Variants in SH3BP5L observed in about 807,000 individuals in gnomAD.
SH3BP5L encodes SH3 domain-binding protein 5-like.
A neutral mutation model predicts 40.9 loss-of-function variants in SH3BP5L; 16 were observed. That is an observed-to-expected ratio of 0.39 (90% CI 0.27 to 0.59). The LOEUF (loss-of-function observed/expected upper bound fraction) is 0.59. SH3BP5L is among the 20% of genes least tolerant of loss of function. The probability of loss-of-function intolerance (pLI) is 0.53; values close to 1 mark genes in which losing one functional copy is unlikely to be tolerated. For synonymous variants in SH3BP5L, 229 were observed against 226.7 expected (o/e 1.01, Z -0.09); for missense variants, 471 against 544.6 (o/e 0.86, Z 1.35).
intron 2 of SH3BP5L, chr1:248,820,681 T>C (rs1664236047): frequency 2.6e-5 from 4 of 152,156 alleles, no homozygotes; most frequent in African/African-American, 4.8e-5. Context: ...AGAAGTGCTG[T>C]AATCTAGGAA....
rs1178079159 is a variant in SH3BP5L at position 248,811,934 on chromosome 1, C to G, written c.1148G>C (p.Arg383Pro). 2 of 1,551,056 alleles carry G rather than the reference C, an allele frequency of 1.3e-6. No individual in the cohort carries two copies. The highest frequency in any genetic ancestry group is 2.0e-5 in the Admixed American group (1 of 51,022). ...GACGCTGCGCTGGTGCCGACCCCCA[C>G]GGGCTCCGCCGTCGCTGCCCCGGCG... is the stretch of plus-strand genomic sequence containing the variant. ...GGRRGSDGGA[R>P]GGRHQRSVSL The change falls in exon 7 of 7, where the codon CGT (arginine) becomes CCT (proline). Residue 383 changes from arginine (R) to proline (P), a missense_variant. Coordinates refer to ENST00000366472, the MANE Select transcript of SH3BP5L (RefSeq NM_030645.3).
chr1:248,818,273 G>A (rs908644404), intron 2 of SH3BP5L, among the ~76,000 whole-genome samples: 4 of 148,918 alleles, frequency 2.7e-5, no homozygotes, highest in Admixed American at 6.6e-5. Flanking sequence ...GCTTGAACCC[G>A]GGGGGCAGGG....
At chr1:248,814,123 G>A in intron 5 of SH3BP5L, 1 of 305,036 alleles carries the variant, frequency 3.3e-6, no homozygotes, top group Non-Finnish European at 6.2e-6. Flanking sequence ...GAAAACAGAA[G>A]CGAGGAGTCA....
chr1:248,818,851 G>A (rs746338078), intron 2 of SH3BP5L, among the ~76,000 whole-genome samples: 22 of 152,242 alleles, frequency 1.4e-4, no homozygotes, highest in Non-Finnish European at 2.5e-4. Context: ...TATAGGATTT[G>A]CCTTCACCAG....
rs1361449627 is a variant in SH3BP5L at position 248,812,876 on chromosome 1, C to T, written c.711+113G>A. 3.1e-6 allele frequency: 3 copies of T among 955,060 alleles called. No homozygotes were observed. The highest frequency in any genetic ancestry group is 5.3e-5 in the East Asian group (2 of 37,498). 59.2% of individuals were successfully genotyped at this position (955,060 alleles called of 1,614,324 possible). A position where few individuals can be genotyped will look rare whatever the true frequency, so the allele number is the denominator to read the frequency against. ...GCCACCACCCTTCCCCACCGCTAGCCGGAGGCCTCACCCTGGCCACCTCAC... is the reference window on the plus strand; with the variant it reads ...GCCACCACCCTTCCCCACCGCTAGCTGGAGGCCTCACCCTGGCCACCTCAC... On this transcript the variant is annotated intron_variant, in intron 6 of 6. Transcript: ENST00000366472. The surrounding 1 kb of genome is among the most constrained non-coding windows in gnomAD (Gnocchi z 6.1).
intron 2 of SH3BP5L, among the ~76,000 whole-genome samples, chr1:248,817,336 C>T (rs1471760260): frequency 6.6e-6 from 1 of 152,240 alleles, no homozygotes; most frequent in Non-Finnish European, 1.5e-5. Context: ...GCACACTTAT[C>T]ACCTCTCAGG....
At position 248,825,242 on chromosome 1, in the gene SH3BP5L, G is replaced by A; in HGVS notation, c.-307C>T. ...GGGGGCAAAGGGGGCTTGGATCCTG[G>A]ACCGAGGCCTGCTAGGAGGAGCACC... On this transcript the variant is annotated 5_prime_UTR_variant, in exon 2 of 7. Transcript: ENST00000366472. The A allele has an allele frequency of 2.4e-5, 27 of 1,112,536 alleles. No individual in the cohort carries two copies. Among genetic ancestry groups the A allele is most frequent in the Non-Finnish European group, 2.9e-5 (26 of 909,382 alleles). 68.9% of individuals were successfully genotyped at this position (1,112,536 alleles called of 1,614,324 possible).
In SH3BP5L at chr1:248,825,342, C is replaced by G; in HGVS notation, c.-407G>C. 1 of 1,004,424 alleles carries G rather than the reference C, an allele frequency of 1.0e-6. No homozygotes were observed. The highest frequency in any genetic ancestry group is 1.7e-5 in the African/African-American group (1 of 57,784). The allele number at this position is 1,004,424 out of a possible 1,614,324, so 62.2% of individuals were successfully genotyped here. A position where few individuals can be genotyped will look rare whatever the true frequency, so the allele number is the denominator to read the frequency against. ...AGAGAAGGCTGGGCCCGAGCTGAGG[C>G]TGTAGGATGAGCGTCTCTGGGGAGC... On this transcript the variant is annotated 5_prime_UTR_variant, in exon 2 of 7. Transcript: ENST00000366472.
Position 248,825,877 on chromosome 1 carries a change from AAT to A in SH3BP5L, c.-476_-475del. On this transcript the variant is annotated 5_prime_UTR_variant, in exon 1 of 7. Coordinates refer to ENST00000366472, the MANE Select transcript of SH3BP5L (RefSeq NM_030645.3). ...TCCGCGGAGCTTCTATGCTGCAAAC[AAT>A]CTCCCCCCCTCCCTCCCCGCAACAA... The A allele has an allele frequency of 2.1e-6, 2 of 954,372 alleles. No homozygotes were observed. The highest frequency in any genetic ancestry group is 2.4e-6 in the Non-Finnish European group (2 of 817,290). The allele number at this position is 954,372 out of a possible 1,614,324, so 59.1% of individuals were successfully genotyped here.
Position 248,812,031 on chromosome 1 carries a change from C to A in SH3BP5L, c.1051G>T (p.Val351Leu). The change falls in exon 7 of 7, where the codon GTG (valine) becomes TTG (leucine). Residue 351 changes from valine (V) to leucine (L), a missense_variant. Physicochemically the swap from Val to Leu is conservative, Grantham distance 32 (BLOSUM62 1). This residue lies in a region of SH3BP5L where 196 missense variants were observed against 174.6 expected (regional missense o/e 1.12). Transcript: ENST00000366472. This position sits in a 1 kb window ranked among gnomAD's most constrained non-coding sequence, Gnocchi z 6.1. ...VASDLQKCDS[V>L]EHLRGLSDHV... ...TCCGAGAGGCCTCGCAAGTGCTCCA[C>A]GGAGTCGCACTTCTGCAGGTCTGAA... is the stretch of plus-strand genomic sequence containing the variant. 1.2e-6 allele frequency: 2 copies of A among 1,612,598 alleles called. No homozygotes were observed. Among genetic ancestry groups the A allele is most frequent in the Non-Finnish European group, 1.7e-6 (2 of 1,179,586 alleles).
chr1:248,822,664 CTT>C (rs201440745), intron 2 of SH3BP5L, among the ~76,000 whole-genome samples: 6 of 144,574 alleles, frequency 4.2e-5, no homozygotes, highest in Admixed American at 6.9e-5. Flanking sequence ...TGAGGAACTG[CTT>C]TTTTTTTTTT....
rs1663929290 is a variant in SH3BP5L, at chr1:248,811,674, C to G, written c.*226G>C. On this transcript the variant is annotated 3_prime_UTR_variant, in exon 7 of 7. Transcript: ENST00000366472. ...GGCAGACAGAGCGCCGAGGGCGAGC[C>G]TTCTGAATGGGTAAGGCAAAGAGAG... is the stretch of plus-strand genomic sequence containing the variant. 1 of 470,358 alleles carries G rather than the reference C, an allele frequency of 2.1e-6. No individual in the cohort carries two copies. The highest frequency in any genetic ancestry group is 3.8e-6 in the Non-Finnish European group (1 of 266,312). The allele number at this position is 470,358 out of a possible 1,614,324, so 29.1% of individuals were successfully genotyped here.
rs915141521 is a variant in SH3BP5L, at chr1:248,825,856, C to T, written c.-453G>A. The T allele has an allele frequency of 2.0e-6, 2 of 982,292 alleles. No homozygotes were observed. Among genetic ancestry groups the T allele is most frequent in the South Asian group, 4.8e-5 (1 of 21,038 alleles). The allele number at this position is 982,292 out of a possible 1,614,324, so 60.8% of individuals were successfully genotyped here. A position where few individuals can be genotyped will look rare whatever the true frequency, so the allele number is the denominator to read the frequency against. On this transcript the variant is annotated 5_prime_UTR_variant, in exon 1 of 7. Transcript: ENST00000366472. ...TTACCTCAGTTTACCTTCCCGTCCG[C>T]GGAGCTTCTATGCTGCAAACAATCT...
chr1:248,818,573 G>C (rs550229368), intron 2 of SH3BP5L, among the ~76,000 whole-genome samples: 1 of 152,358 alleles, frequency 6.6e-6, no homozygotes, highest in South Asian at 2.1e-4. Context: ...TCCTGTGGGA[G>C]GGAGGGAGAG....
chr1:248,813,197 A>T (rs1208001922), intron 5 of SH3BP5L, 35 bp from the exon 6 acceptor site: 1 of 1,476,538 alleles, frequency 6.8e-7, no homozygotes, highest in Non-Finnish European at 9.0e-7. Flanking sequence ...GCCAGGACCC[A>T]TGCTTCAGTC....
chr1:248,824,896 G>C lies in SH3BP5L; in HGVS notation c.40C>G (p.Pro14Ala), dbSNP rs758436296. ...LRQVPGGRET[P>A]QGELRPEVVE... ...ACTTCAGGCCGCAGCTCCCCCTGTG[G>C]GGTCTCCCGCCCTCCTGGAACCTGT... The change falls in exon 2 of 7, where the codon CCA (proline) becomes GCA (alanine). Residue 14 changes from proline (P) to alanine (A), a missense_variant. Pro to Ala is a conservative substitution (Grantham distance 27, BLOSUM62 -1). This residue lies in a region of SH3BP5L where 275 missense variants were observed against 370.1 expected (regional missense o/e 0.74). Coordinates refer to ENST00000366472, the MANE Select transcript of SH3BP5L (RefSeq NM_030645.3). 1.9e-6 allele frequency: 3 copies of C among 1,613,856 alleles called. No homozygotes were observed. In the African/African-American group the frequency reaches 4.0e-5, roughly 22 times the overall value.
chr1:248,816,763 G>C (rs1464562672), intron 3 of SH3BP5L, 59 bp downstream of exon 3: 1 of 1,611,330 alleles, frequency 6.2e-7, no homozygotes, highest in Non-Finnish European at 8.5e-7. Context: ...ATCTGGGAAA[G>C]AGACAGATGG....
At position 248,810,643 on chromosome 1, in the gene SH3BP5L, C is replaced by G. The variant is rs1663877547; in HGVS notation, c.*1257G>C. ...GACCCCCGTGCAGAGTCCAGTTGCC[C>G]ACGCATCCCGGTTGCTGGCAGAACA... On this transcript the variant is annotated 3_prime_UTR_variant, in exon 7 of 7. Coordinates refer to ENST00000366472, the MANE Select transcript of SH3BP5L (RefSeq NM_030645.3). 6.6e-6 allele frequency: 1 copy of G among 152,260 alleles called. No individual in the cohort carries two copies. The allele number at this position is 152,260 out of a possible 1,614,324, so 9.4% of individuals were successfully genotyped here.
intron 2 of SH3BP5L, among the ~76,000 whole-genome samples, chr1:248,818,196 A>G (rs1664157587): frequency 6.6e-6 from 1 of 151,946 alleles, no homozygotes. Flanking sequence ...AAAAACACAA[A>G]AATTAGCTGG....
Sources: allele counts gnomAD v4.1 joint callset (sites outside exome capture counted in the v4.1 genomes callset), GRCh38; gene constraint gnomAD v4.1.1; regional missense constraint gnomAD v4.1.1; non-coding constraint Gnocchi (gnomAD v3.1); transcripts MANE v1.5; gene names NCBI Gene and HGNC (gene_info 2026-07-23, HGNC 2026-07-21).